MCPH1: variants seen among roughly 807,000 people sequenced by gnomAD.
The protein encoded by MCPH1 is microcephalin.
In MCPH1, 104 loss-of-function variants were observed where a neutral mutation model predicts 84.5. The observed-to-expected ratio is 1.23, with a 90% CI of 1.05 to 1.45. The LOEUF (loss-of-function observed/expected upper bound fraction) is 1.45, where lower values mean the gene tolerates loss of function less well. Among genes scored for constraint, MCPH1 ranks in the 40% most tolerant of loss-of-function variants. MCPH1 has a pLI of 0.00. For synonymous variants in MCPH1, 514 were observed against 366.8 expected, an observed-to-expected ratio of 1.40 and a Z score of -4.58; for missense variants, 1,498 against 1,005.7, an observed-to-expected ratio of 1.49 and a Z score of -6.62.
intron 12 of MCPH1, among the ~76,000 whole-genome samples, chr8:6,607,923 T>A (rs144354686): frequency 2.4e-4 from 36 of 152,294 alleles, no homozygotes; most frequent in East Asian, 3.9e-4. Flanking sequence ...CAGGCCCGGA[T>A]TTGTTTGGCA....
intron 3 of MCPH1, among the ~76,000 whole-genome samples, chr8:6,417,485 C>A (rs188884028): frequency 4.6e-5 from 7 of 152,308 alleles, no homozygotes; most frequent in African/African-American, 1.7e-4. Context: ...TGCATTTGTC[C>A]ATAGTGCTCT....
intron 7 of MCPH1, among the ~76,000 whole-genome samples, chr8:6,443,879 C>A (rs1803871227): frequency 6.6e-6 from 1 of 152,132 alleles, no homozygotes; most frequent in South Asian, 2.1e-4. Flanking sequence ...ATGAGTAATC[C>A]ATATAAGAGT....
chr8:6,495,680 A>G (rs1811145840), intron 11 of MCPH1, among the ~76,000 whole-genome samples: 1 of 152,214 alleles, frequency 6.6e-6, no homozygotes, highest in Non-Finnish European at 1.5e-5. Flanking sequence ...ATAAACACCT[A>G]CAACCACACT....
Position 6,474,472 on chromosome 8 carries a change from A to G in MCPH1, c.1936-3122A>G, listed in dbSNP as rs536846786. On this transcript the variant is annotated intron_variant, in intron 9 of 13. Coordinates refer to ENST00000344683, the MANE Select transcript of MCPH1 (RefSeq NM_024596.5). ...GTTCACCTTGCTGTCTCCAAAAAAA[A>G]AATTGCACCACTGCACTCCAGCTAG... 2.6e-5 allele frequency among the ~76,000 whole-genome samples: 4 copies of G among 152,330 alleles called. No individual in the cohort carries two copies. The East Asian group carries it at 5.8e-4, about 22-fold the overall frequency.
chr8:6,457,841 C>G (rs920722010), intron 9 of MCPH1, among the ~76,000 whole-genome samples: 5 of 151,864 alleles, frequency 3.3e-5, no homozygotes, highest in Non-Finnish European at 7.4e-5. Context: ...CACCGCACAG[C>G]CTTTGCTTGA....
At chr8:6,610,339 T>G (rs920358505) in intron 12 of MCPH1, among the ~76,000 whole-genome samples, 1 of 152,342 alleles carries the variant, frequency 6.6e-6, no homozygotes, top group Non-Finnish European at 1.5e-5. Flanking sequence ...ATTTATGACA[T>G]TTAACTTTTA....
chr8:6,490,874 A>C (rs1810485826), intron 11 of MCPH1, among the ~76,000 whole-genome samples: 1 of 151,842 alleles, frequency 6.6e-6, no homozygotes, highest in South Asian at 2.1e-4. Context: ...TTCTGAAAGA[A>C]AGTTTCTCTG....
In MCPH1 at chr8:6,519,939, A is replaced by G. The variant is rs753844136; in HGVS notation, c.2214+20010A>G. 2.5e-6 allele frequency: 4 copies of G among 1,614,144 alleles called. No individual in the cohort carries two copies. In the South Asian group the frequency reaches 4.4e-5, roughly 18 times the overall value. ...TGGTGTGTCCTGATTTGAATACTTC[A>G]GCACAGTCTCTGAAGCTGATTTGTT... On this transcript the variant is annotated intron_variant, in intron 12 of 13. Transcript: ENST00000344683.
At chr8:6,502,375 T>C (rs933981446) in intron 12 of MCPH1, 10 of 152,224 alleles carry the variant, frequency 6.6e-5, no homozygotes, top group African/African-American at 1.9e-4. Flanking sequence ...ACGGTCTGCA[T>C]ATAAACTAAA....
intron 11 of MCPH1, among the ~76,000 whole-genome samples, chr8:6,482,972 A>G (rs1166407031): frequency 6.6e-6 from 1 of 152,224 alleles, no homozygotes; most frequent in Non-Finnish European, 1.5e-5. Context: ...GAAAGGAAGA[A>G]ATAGAGTTAT....
chr8:6,456,464 G>A (rs1805689288), intron 9 of MCPH1, among the ~76,000 whole-genome samples: 1 of 152,162 alleles, frequency 6.6e-6, no homozygotes, highest in Non-Finnish European at 1.5e-5. Flanking sequence ...AGTTCATTTG[G>A]AAAGAAATAA....
At chr8:6,626,226 G>A in intron 13 of MCPH1, 8 of 985,390 alleles carry the variant, frequency 8.1e-6, no homozygotes, top group Non-Finnish European at 9.6e-6. Context: ...ACAGGGAGTG[G>A]AGGTGTGAAG....
At chr8:6,463,354 G>A (rs1033911734) in intron 9 of MCPH1, among the ~76,000 whole-genome samples, 2 of 152,180 alleles carry the variant, frequency 1.3e-5, no homozygotes, top group Non-Finnish European at 2.9e-5. Flanking sequence ...TTTGTGAGCT[G>A]CGATAGGGTA....
intron 12 of MCPH1, among the ~76,000 whole-genome samples, chr8:6,546,664 A>C (rs1285694862): frequency 2.0e-5 from 3 of 152,170 alleles, no homozygotes; most frequent in Non-Finnish European, 2.9e-5. Context: ...CCTAGAGATA[A>C]ATAGAGAAAA....
At chr8:6,413,708 C>T (rs1006093523) in intron 2 of MCPH1, among the ~76,000 whole-genome samples, 1 of 151,078 alleles carries the variant, frequency 6.6e-6, no homozygotes, top group African/African-American at 2.4e-5. Context: ...TCTTTAGGAT[C>T]CTATTAAAAA....
intron 12 of MCPH1, among the ~76,000 whole-genome samples, chr8:6,619,677 C>G (rs1386806843): frequency 6.6e-6 from 1 of 152,022 alleles, no homozygotes; most frequent in Non-Finnish European, 1.5e-5. Context: ...CTCCACCTCC[C>G]GGGTTCACAC....
intron 12 of MCPH1, among the ~76,000 whole-genome samples, chr8:6,605,233 G>A (rs546864887): frequency 6.6e-6 from 1 of 152,272 alleles, no homozygotes; most frequent in African/African-American, 2.4e-5. Context: ...TTTTCCAAAA[G>A]TTGATATCCA....
Position 6,447,006 on chromosome 8 carries a change from AG to A in MCPH1, c.1825+1463del, listed in dbSNP as rs1804492207. On this transcript the variant is annotated intron_variant, in intron 8 of 13. Coordinates refer to ENST00000344683, the MANE Select transcript of MCPH1 (RefSeq NM_024596.5). ...CGCTCAGTGGTGCAGGCCATCAGGC[AG>A]GGGTGTCCAGGCAGGGCCCGGGTGC... 1.6e-4 allele frequency: 9 copies of A among 57,072 alleles called. No individual in the cohort carries two copies. The South Asian group carries it at 2.3e-3, about 14-fold the overall frequency. The allele number at this position is 57,072 out of a possible 1,614,324, so 3.5% of individuals were successfully genotyped here. A position where few individuals can be genotyped will look rare whatever the true frequency, so the allele number is the denominator to read the frequency against.
intron 8 of MCPH1, among the ~76,000 whole-genome samples, chr8:6,454,302 A>G (rs969916027): frequency 7.2e-5 from 11 of 152,370 alleles, no homozygotes; most frequent in African/African-American, 7.2e-5. Flanking sequence ...TAGGTAATCA[A>G]CAGTGCAGTT....
Sources: gnomAD v4.1 joint callset for allele counts (sites outside exome capture counted in the v4.1 genomes callset) on GRCh38, gnomAD v4.1.1 for gene constraint, MANE v1.5 for transcripts, NCBI Gene and HGNC (gene_info 2026-07-23, HGNC 2026-07-21) for gene names.